The following LAG3 variants were observed in gnomAD, a reference collection of about 807,000 sequenced individuals.
LAG3 encodes lymphocyte activation gene 3 protein.
In LAG3, 29 loss-of-function variants were observed where a neutral mutation model predicts 49.0. That is an observed-to-expected ratio of 0.59 (90% confidence interval 0.44 to 0.81). The LOEUF (loss-of-function observed/expected upper bound fraction) is 0.81. Ranked by LOEUF, LAG3 falls within the 30% of genes least tolerant of loss-of-function variation. The pLI is 0.00. For synonymous variants in LAG3, 320 were observed against 297.3 expected (o/e 1.08, Z -0.79); for missense variants, 693 against 695.2 (o/e 1.00, Z 0.04).
Position 6,774,857 on chromosome 12 carries a change from T to G in LAG3, c.774T>G (p.Thr258=). Residue 258 remains threonine (T), a synonymous_variant, in exon 4 of 8, where the codon ACT becomes ACG. Transcript: ENST00000203629. ...ACGTCTCCATCATGTATAACCTCAC[T>G]GTTCTGGGTAACTCCCCCACTCTGC... ...GFNVSIMYNL[T]VLGLEPPTPL... is the part of the protein sequence containing the mutation. The G allele has an allele frequency of 6.2e-7, 1 of 1,611,394 alleles. No individual in the cohort carries two copies. The highest frequency in any genetic ancestry group is 8.5e-7 in the Non-Finnish European group (1 of 1,177,800).
At chr12:6,777,025 T>C (rs928197411) in intron 5 of LAG3, among the ~76,000 whole-genome samples, 1 of 152,114 alleles carries the variant, frequency 6.6e-6, no homozygotes, top group Non-Finnish European at 1.5e-5. Flanking sequence ...GAGGAGCACT[T>C]GAGTCCAGGA....
At chr12:6,775,650 C>T (rs1047553720) in intron 5 of LAG3, 102 bp downstream of exon 5, 2 of 1,163,892 alleles carry the variant, frequency 1.7e-6, no homozygotes, top group East Asian at 2.5e-5. Context: ...CCTGTGATGC[C>T]AGGCCACTGG....
chr12:6,774,730 C>A lies in LAG3; in HGVS notation c.647C>A (p.Ser216Tyr), dbSNP rs749445166. Reference sequence around the variant, plus strand: ...CAGGGCCGAGTCCCTGTCCGGGAGTCCCCCCATCACCACTTAGCGGAAAGC... The same window carrying A: ...CAGGGCCGAGTCCCTGTCCGGGAGTACCCCCATCACCACTTAGCGGAAAGC... ...RGQGRVPVRE[S>Y]PHHHLAESFL... Residue 216 changes from serine to tyrosine, a missense_variant, in exon 4 of 8, where the codon TCC becomes TAC. Coordinates refer to ENST00000203629, the MANE Select transcript of LAG3 (RefSeq NM_002286.6). 4 of 1,614,130 alleles carry A rather than the reference C, an allele frequency of 2.5e-6. No homozygotes were observed. The highest frequency in any genetic ancestry group is 2.5e-6 in the Non-Finnish European group (3 of 1,180,012).
intron 4 of LAG3, 83 bp from the exon 5 acceptor site, chr12:6,775,189 CT>C (rs1941892459): frequency 1.4e-6 from 2 of 1,419,698 alleles, no homozygotes; most frequent in Non-Finnish European, 1.9e-6. Flanking sequence ...CTCCTGAATT[CT>C]TCTGCCTCCC....
intron 5 of LAG3, among the ~76,000 whole-genome samples, chr12:6,776,700 G>T (rs1941910035): frequency 6.6e-6 from 1 of 152,140 alleles, no homozygotes; most frequent in Admixed American, 6.6e-5. Flanking sequence ...TCATTCAGGG[G>T]GCACCACAAG....
intron 5 of LAG3, 112 bp downstream of exon 5, chr12:6,775,660 G>A: frequency 9.4e-7 from 1 of 1,060,566 alleles, no homozygotes; most frequent in South Asian, 1.5e-5. Context: ...CAGGCCACTG[G>A]GCACAAGTTC....
rs1231923724 is a variant in LAG3, at chr12:6,773,005, CTG to C, written c.58+98_58+99del. ...CACAAAGGTCCTGAGGTCCTTAGCT[CTG>C]TGGATTCTTCTAATCCCTTTTTTGG... is the stretch of plus-strand genomic sequence containing the variant. On this transcript the variant is annotated intron_variant, in intron 1 of 7. Transcript: ENST00000203629. The surrounding 1 kb of genome is among the most constrained non-coding windows in gnomAD (Gnocchi z 5.5). The C allele has an allele frequency of 7.0e-7, 1 of 1,428,622 alleles. No individual in the cohort carries two copies. The highest frequency in any genetic ancestry group is 9.8e-7 in the Non-Finnish European group (1 of 1,017,852). The allele number at this position is 1,428,622 out of a possible 1,614,324, so 88.5% of individuals were successfully genotyped here.
In LAG3 at chr12:6,775,338, C is replaced by A; in HGVS notation, c.847C>A (p.Arg283Ser). 1 of 1,614,192 alleles carries A rather than the reference C, an allele frequency of 6.2e-7. No homozygotes were observed. The highest frequency in any genetic ancestry group is 8.5e-7 in the Non-Finnish European group (1 of 1,180,030). The part of the protein sequence containing the change: ...GAGSRVGLPC[R>S]LPAGVGTRSF... Reference sequence around the variant, plus strand: ...AGGTTCCAGGGTGGGGCTGCCCTGCCGCCTGCCTGCTGGTGTGGGGACCCG... The same window carrying A: ...AGGTTCCAGGGTGGGGCTGCCCTGCAGCCTGCCTGCTGGTGTGGGGACCCG... Residue 283 changes from arginine to serine, a missense_variant, in exon 5 of 8, where the codon CGC becomes AGC. By Grantham distance (110) the Arg-to-Ser change is moderately radical. Coordinates refer to ENST00000203629, the MANE Select transcript of LAG3 (RefSeq NM_002286.6).
At chr12:6,774,467 T>G (rs1592495989) in intron 3 of LAG3, 128 bp from the exon 4 acceptor site, 2 of 1,019,072 alleles carry the variant, frequency 2.0e-6, no homozygotes, top group Admixed American at 2.6e-5. Context: ...GGGGAGAGGG[T>G]GATGTGGGAG....
rs767185171 is a variant in LAG3 at position 6,778,230 on chromosome 12, A to G, written c.1432-14A>G. On this transcript the variant is annotated splice_polypyrimidine_tract_variant and intron_variant, in intron 7 of 7. Coordinates refer to ENST00000203629, the MANE Select transcript of LAG3 (RefSeq NM_002286.6). ...CCTTCCGCCCTCCGTCTCTCTCTCC[A>G]TCTCTTCTCACAGTGGCGACCAAGA... 1 of 1,567,850 alleles carries G rather than the reference A, an allele frequency of 6.4e-7. No homozygotes were observed. The highest frequency in any genetic ancestry group is 8.7e-7 in the Non-Finnish European group (1 of 1,155,930).
At chr12:6,774,025 G>T in intron 3 of LAG3, 24 bp downstream of exon 3, 1 of 1,392,280 alleles carries the variant, frequency 7.2e-7, no homozygotes, top group Non-Finnish European at 9.2e-7. Context: ...GACGATGGGA[G>T]AAGGGCTGGG....
At chr12:6,777,160 C>A in intron 5 of LAG3, 104 bp from the exon 6 acceptor site, 2 of 1,387,582 alleles carry the variant, frequency 1.4e-6, no homozygotes, top group Non-Finnish European at 2.0e-6. Flanking sequence ...CTCCCCTGGC[C>A]AGAACCCAAG....
Position 6,772,918 on chromosome 12 carries a change from G to A in LAG3, c.58+8G>A, listed in dbSNP as rs560233130. The A allele has an allele frequency of 6.8e-6, 11 of 1,613,750 alleles. No individual in the cohort carries two copies. Among genetic ancestry groups the A allele is most frequent in the Middle Eastern group, 1.7e-4 (1 of 5,978 alleles). On this transcript the variant is annotated splice_region_variant and intron_variant, in intron 1 of 7. Transcript: ENST00000203629. Reference sequence around the variant, plus strand: ...CGCTTTGGGTGGCTCCAGGTAAAACGGGGATGGCGGGAGGGTTGACCTCCA... The same window carrying A: ...CGCTTTGGGTGGCTCCAGGTAAAACAGGGATGGCGGGAGGGTTGACCTCCA...
chr12:6,778,346 C>A lies in LAG3; in HGVS notation c.1534C>A (p.Pro512Thr). Residue 512 changes from proline to threonine, a missense_variant, in exon 8 of 8, where the codon CCG becomes ACG. Coordinates refer to ENST00000203629, the MANE Select transcript of LAG3 (RefSeq NM_002286.6). ...GCAAGAACCGGAGCCGGAGCCGGAGCCGGAACCGGAGCCCGAGCCCGAGCC... is the reference window on the plus strand; with the variant it reads ...GCAAGAACCGGAGCCGGAGCCGGAGACGGAACCGGAGCCCGAGCCCGAGCC... Reference protein sequence around the residue: ...LEQEPEPEPEPEPEPEPEPEP... With the variant: ...LEQEPEPEPETEPEPEPEPEP... 6.2e-7 allele frequency: 1 copy of A among 1,612,846 alleles called. No individual in the cohort carries two copies. Among genetic ancestry groups the A allele is most frequent in the Non-Finnish European group, 8.5e-7 (1 of 1,179,742 alleles).
In LAG3 at chr12:6,772,770, T is replaced by G; in HGVS notation, c.-83T>G. 11 of 1,138,386 alleles carry G rather than the reference T, an allele frequency of 9.7e-6. No individual in the cohort carries two copies. The highest frequency in any genetic ancestry group is 5.8e-5 in the East Asian group (2 of 34,380). 70.5% of individuals were successfully genotyped at this position (1,138,386 alleles called of 1,614,324 possible). ...CCTCCCTCTCTGCAGAACTTCTCCT[T>G]TACCCCCCACCCCCCACCACTGCCC... On this transcript the variant is annotated 5_prime_UTR_variant, in exon 1 of 8. Transcript: ENST00000203629.
intron 5 of LAG3, among the ~76,000 whole-genome samples, chr12:6,776,198 G>C (rs533067793): frequency 6.6e-6 from 1 of 152,214 alleles, no homozygotes; most frequent in South Asian, 2.1e-4. Context: ...TCTCCTGAAG[G>C]CCAATCCTGA....
intron 3 of LAG3, 61 bp downstream of exon 3, chr12:6,774,062 G>C (rs1484565840): frequency 6.6e-6 from 9 of 1,371,030 alleles, no homozygotes; most frequent in East Asian, 3.1e-5. Flanking sequence ...CCTGCCTCCC[G>C]GGACGCAGGA....
At position 6,778,272 on chromosome 12, in the gene LAG3, A is replaced by G. The variant is rs902438243; in HGVS notation, c.1460A>G (p.Glu487Gly). The G allele has an allele frequency of 6.2e-7, 1 of 1,609,514 alleles. No individual in the cohort carries two copies. Among genetic ancestry groups the G allele is most frequent in the African/African-American group, 1.3e-5 (1 of 74,722 alleles). The change falls in exon 8 of 8, where the codon GAG becomes GGG. Residue 487 changes from glutamate to glycine, a missense_variant. Physicochemically the swap from Glu to Gly is moderately conservative, Grantham distance 98. Transcript: ENST00000203629. Reference protein sequence around the residue: ...QWRPRRFSALEQGIHPPQAQS... With the variant: ...QWRPRRFSALGQGIHPPQAQS... ...CGACCAAGACGATTTTCTGCCTTAG[A>G]GCAAGGGATTCACCCTCCGCAGGCT...
At chr12:6,777,537 C>T (rs189466946) in intron 6 of LAG3, 31 bp downstream of exon 6, 61 of 1,607,134 alleles carry the variant, frequency 3.8e-5, no homozygotes, top group African/African-American at 3.3e-4. Context: ...AGGACCCAAA[C>T]GCCACAGCAA....
Sources: gnomAD v4.1 joint callset for allele counts (sites outside exome capture counted in the v4.1 genomes callset) on GRCh38, gnomAD v4.1.1 for gene constraint, Gnocchi (gnomAD v3.1) non-coding constraint, MANE v1.5 for transcripts, NCBI Gene and HGNC (gene_info 2026-07-23, HGNC 2026-07-21) for gene names.